Variants in GABRA3 observed in about 807,000 individuals in gnomAD.
GABRA3 encodes gamma-aminobutyric acid type A receptor subunit alpha3, also known as gamma-aminobutyric acid receptor subunit alpha-3.
A neutral mutation model predicts 30.1 loss-of-function variants in GABRA3; 10 were observed. The ratio of observed to expected loss-of-function variants is 0.33; its 90% confidence interval spans 0.20 to 0.56. The LOEUF is 0.56. Among genes scored for constraint, GABRA3 ranks in the 20% least tolerant of loss-of-function variants. The probability of loss-of-function intolerance (pLI) is 0.89; values close to 1 mark genes in which losing one functional copy is unlikely to be tolerated. For synonymous variants in GABRA3, 151 were observed against 146.8 expected, an observed-to-expected ratio of 1.03 and a Z score of -0.21; for missense variants, 233 against 392.0, an observed-to-expected ratio of 0.59 and a Z score of 3.42.
intron 9 of GABRA3, among the ~76,000 whole-genome samples, chrX:152,174,437 T>G (rs867314017): frequency 1.1e-4 from 12 of 111,926 alleles, no homozygotes; most frequent in South Asian, 7.5e-4. Flanking sequence ...TTTCTCCACA[T>G]CCTCTCCAGC....
chrX:152,358,534 A>G, intron 2 of GABRA3, among the ~76,000 whole-genome samples: 1 of 111,386 alleles, frequency 9.0e-6, no homozygotes, highest in Middle Eastern at 4.6e-3. Context: ...TGCCTTTTAT[A>G]TCTTTCTCTT....
intron 5 of GABRA3, among the ~76,000 whole-genome samples, chrX:152,232,378 T>G (rs1345019894): frequency 1.8e-5 from 2 of 109,933 alleles, no homozygotes; most frequent in Non-Finnish European, 3.8e-5. Context: ...ATGTATATTG[T>G]GCCATTTAGG....
At chrX:152,296,805 A>G (rs1317337675) in intron 3 of GABRA3, among the ~76,000 whole-genome samples, 2 of 108,346 alleles carry the variant, frequency 1.8e-5, no homozygotes, top group South Asian at 4.0e-4. Context: ...GCTCAAGCCA[A>G]TCTCCTTCCT....
At chrX:152,273,308 G>A (rs1449473845) in intron 4 of GABRA3, among the ~76,000 whole-genome samples, 2 of 112,068 alleles carry the variant, frequency 1.8e-5, no homozygotes, top group East Asian at 2.8e-4. Flanking sequence ...GCAAGGATGC[G>A]ATAAAAGGGA....
chrX:152,177,529 C>CT (rs761476632), intron 9 of GABRA3, among the ~76,000 whole-genome samples: 4 of 107,921 alleles, frequency 3.7e-5, no homozygotes, highest in Non-Finnish European at 5.7e-5. Flanking sequence ...TCCAAAAACA[C>CT]TAACACAATT....
At chrX:152,181,369 G>T (rs767696447) in intron 9 of GABRA3, among the ~76,000 whole-genome samples, 1 of 111,331 alleles carries the variant, frequency 9.0e-6, no homozygotes, top group Non-Finnish European at 1.9e-5. Context: ...ACTGATTTTT[G>T]CATGTTGACT....
At chrX:152,402,935 G>C (rs1233708878) in intron 1 of GABRA3, among the ~76,000 whole-genome samples, 3 of 111,910 alleles carry the variant, frequency 2.7e-5, no homozygotes, top group East Asian at 2.8e-4. Flanking sequence ...AGGCCAAAGA[G>C]AGTATAAAAT....
intron 3 of GABRA3, among the ~76,000 whole-genome samples, chrX:152,309,742 A>C (rs1221748485): frequency 8.9e-6 from 1 of 111,933 alleles, no homozygotes; most frequent in Non-Finnish European, 1.9e-5. Flanking sequence ...CATAACAACC[A>C]GTTAACAACG....
chrX:152,254,311 A>C (rs1225215017), intron 5 of GABRA3, among the ~76,000 whole-genome samples: 1 of 110,226 alleles, frequency 9.1e-6, no homozygotes, highest in Admixed American at 9.7e-5. Flanking sequence ...ATATTCGCCT[A>C]TCTCTTTAGA....
intron 4 of GABRA3, among the ~76,000 whole-genome samples, chrX:152,270,853 TTAA>T (rs761578684): frequency 1.5e-3 from 151 of 99,513 alleles, no homozygotes; most frequent in African/African-American, 5.4e-3. Flanking sequence ...AGATTCCAAC[TTAA>T]AAAAAAAAAA....
At chrX:152,235,774 T>C (rs192776205) in intron 5 of GABRA3, among the ~76,000 whole-genome samples, 64 of 110,885 alleles carry the variant, frequency 5.8e-4, no homozygotes, top group Non-Finnish European at 9.1e-4. Context: ...ATTAAAATAT[T>C]GACACTACCC....
chrX:152,327,490 C>T (rs1390611446), intron 3 of GABRA3, among the ~76,000 whole-genome samples: 1 of 111,710 alleles, frequency 9.0e-6, no homozygotes, highest in Non-Finnish European at 1.9e-5. Context: ...ACAGAAATTA[C>T]AACAAACTAT....
At chrX:152,303,130 T>G (rs1302099210) in intron 3 of GABRA3, among the ~76,000 whole-genome samples, 1 of 112,069 alleles carries the variant, frequency 8.9e-6, no homozygotes, top group Admixed American at 9.5e-5. Context: ...TACTTCTATT[T>G]TTAGTTATTT....
Position 152,408,933 on chromosome X carries a change from C to A in GABRA3, c.-27+42213G>T, listed in dbSNP as rs746642381. On this transcript the variant is annotated intron_variant, in intron 1 of 9. Transcript: ENST00000370314. ...TAAATCCATGCATTTGTGACCAATTCATTTTTGACAAAGATGACAAGAACA... is the reference window on the plus strand; with the variant it reads ...TAAATCCATGCATTTGTGACCAATTAATTTTTGACAAAGATGACAAGAACA... Among the ~76,000 whole-genome samples, 6 of 112,080 alleles carry A rather than the reference C, an allele frequency of 5.4e-5. No individual in the cohort carries two copies. In the East Asian group the frequency reaches 1.7e-3, roughly 31 times the overall value.
intron 7 of GABRA3, among the ~76,000 whole-genome samples, chrX:152,207,090 T>A (rs181100437): frequency 0.014 from 1,614 of 111,723 alleles, 15 homozygotes; most frequent in Non-Finnish European, 0.023. Flanking sequence ...AAATGTTGAT[T>A]TTTTTAGGCA....
chrX:152,328,434 G>A (rs992848273), intron 3 of GABRA3, among the ~76,000 whole-genome samples: 4 of 111,555 alleles, frequency 3.6e-5, no homozygotes, highest in East Asian at 5.6e-4. Flanking sequence ...GATGAACATC[G>A]ATGCAAAAAT....
intron 4 of GABRA3, among the ~76,000 whole-genome samples, chrX:152,284,347 A>G (rs1398858908): frequency 9.0e-6 from 1 of 111,242 alleles, no homozygotes. Flanking sequence ...CTGTACCAAT[A>G]TGTGTGGTGC....
chrX:152,243,491 T>G (rs1171079088), intron 5 of GABRA3, among the ~76,000 whole-genome samples: 2 of 111,703 alleles, frequency 1.8e-5, no homozygotes, highest in African/African-American at 6.5e-5. Flanking sequence ...AGAGCATGGA[T>G]TCCAAAGCCA....
chrX:152,315,851 C>T (rs1022191810), intron 3 of GABRA3, among the ~76,000 whole-genome samples: 5 of 108,448 alleles, frequency 4.6e-5, no homozygotes, highest in Non-Finnish European at 9.6e-5. Context: ...AAGCACCACC[C>T]AAGGAGAGTC....
Sources: allele counts gnomAD v4.1 joint callset (sites outside exome capture counted in the v4.1 genomes callset), GRCh38; gene constraint gnomAD v4.1.1; transcripts MANE v1.5; gene names NCBI Gene and HGNC (gene_info 2026-07-23, HGNC 2026-07-21).